MEIS2: variants seen among roughly 807,000 people sequenced by gnomAD.
MEIS2 encodes the protein Meis homeobox 2.
A neutral mutation model predicts 58.6 loss-of-function variants in MEIS2; 9 were observed. That is an observed-to-expected ratio of 0.15 (90% CI 0.09 to 0.27). MEIS2 has a LOEUF of 0.27. Among genes scored for constraint, MEIS2 ranks in the 10% least tolerant of loss-of-function variants. The pLI is 1.00. For missense variants in MEIS2, 427 were observed against 635.0 expected (o/e 0.67, Z 3.52); for synonymous variants, 221 against 228.4 (o/e 0.97, Z 0.29).
intron 7 of MEIS2, among the ~76,000 whole-genome samples, chr15:37,041,183 A>G (rs1167036073): frequency 6.6e-6 from 1 of 152,212 alleles, no homozygotes; most frequent in Non-Finnish European, 1.5e-5. Flanking sequence ...GGCTCTGTGC[A>G]TTGGCACTAG....
intron 7 of MEIS2, among the ~76,000 whole-genome samples, chr15:37,075,899 A>AT (rs1012376439): frequency 1.7e-4 from 25 of 149,812 alleles, no homozygotes; most frequent in South Asian, 4.2e-4. Context: ...CTCTTTCATT[A>AT]TTTTTTTTTT....
intron 8 of MEIS2, among the ~76,000 whole-genome samples, chr15:37,029,099 T>G (rs1182730351): frequency 6.6e-6 from 1 of 152,144 alleles, no homozygotes; most frequent in African/African-American, 2.4e-5. Flanking sequence ...ATCTCTAGTA[T>G]AAGATTCCAT....
intron 7 of MEIS2, among the ~76,000 whole-genome samples, chr15:37,080,967 T>C (rs779544698): frequency 6.6e-6 from 1 of 152,168 alleles, no homozygotes; most frequent in Non-Finnish European, 1.5e-5. Flanking sequence ...CTTTCACCTG[T>C]GTAACTGTAG....
At chr15:36,917,057 T>G (rs2057312063) in intron 9 of MEIS2, among the ~76,000 whole-genome samples, 1 of 152,096 alleles carries the variant, frequency 6.6e-6, no homozygotes, top group East Asian at 1.9e-4. Flanking sequence ...GCTAGGAAAT[T>G]AGGAATATTT....
At chr15:37,090,003 A>G (rs1893325939) in intron 6 of MEIS2, among the ~76,000 whole-genome samples, 1 of 152,154 alleles carries the variant, frequency 6.6e-6, no homozygotes, top group African/African-American at 2.4e-5. Context: ...TTCTTTAAAA[A>G]TTGTTTTTTA....
chr15:36,995,737 A>AAAATAAAAAAAAAAAAAAAAAAAAC (rs1333225556), intron 8 of MEIS2, among the ~76,000 whole-genome samples: 1 of 21,752 alleles, frequency 4.6e-5, no homozygotes, highest in Non-Finnish European at 1.2e-4. Flanking sequence ...AAAAACAAAG[A>AAAATAAAAAAAAAAAAAAAAAAAAC]AAAGAAAAGA....
At chr15:36,989,727 T>C (rs1188284328) in intron 8 of MEIS2, among the ~76,000 whole-genome samples, 1 of 152,234 alleles carries the variant, frequency 6.6e-6, no homozygotes, top group Admixed American at 6.5e-5. Context: ...TACAGAACTA[T>C]GTGCCACATT....
At chr15:36,966,889 G>T (rs2059376562) in intron 8 of MEIS2, among the ~76,000 whole-genome samples, 1 of 45,502 alleles carries the variant, frequency 2.2e-5, no homozygotes, top group African/African-American at 6.7e-5. Flanking sequence ...GAGCCAGCTA[G>T]GAAGGCAGGA....
chr15:37,090,780 A>G (rs150269465), intron 6 of MEIS2, among the ~76,000 whole-genome samples: 27 of 152,296 alleles, frequency 1.8e-4, no homozygotes, highest in East Asian at 1.7e-3. Flanking sequence ...CCTCCACAAG[A>G]GAAACCTTGG....
chr15:36,908,704 C>CGTGG (rs2056858943), intron 9 of MEIS2, among the ~76,000 whole-genome samples: 1 of 152,042 alleles, frequency 6.6e-6, no homozygotes, highest in Admixed American at 6.6e-5. Context: ...ACCTGTAATC[C>CGTGG]CAGCACTTTG....
At chr15:37,092,541 T>G (rs1323738576) in intron 6 of MEIS2, among the ~76,000 whole-genome samples, 1 of 151,930 alleles carries the variant, frequency 6.6e-6, no homozygotes, top group Non-Finnish European at 1.5e-5. Flanking sequence ...GAATGTAATC[T>G]ATAGACACCC....
At chr15:37,087,991 T>C (rs1219650144) in intron 6 of MEIS2, among the ~76,000 whole-genome samples, 1 of 152,106 alleles carries the variant, frequency 6.6e-6, no homozygotes, top group Non-Finnish European at 1.5e-5. Flanking sequence ...TCTAAAATAA[T>C]CTGAAACTCA....
At chr15:37,003,856 T>C (rs1332622674) in intron 8 of MEIS2, among the ~76,000 whole-genome samples, 2 of 152,218 alleles carry the variant, frequency 1.3e-5, no homozygotes, top group African/African-American at 4.8e-5. Context: ...TCACCCCTTC[T>C]GCCATATGAG....
intron 9 of MEIS2, among the ~76,000 whole-genome samples, chr15:36,927,780 C>T (rs1217035982): frequency 1.3e-5 from 2 of 152,132 alleles, no homozygotes; most frequent in East Asian, 3.8e-4. Flanking sequence ...GTTCCCTTCT[C>T]TACATGTGTT....
At chr15:37,065,215 T>C (rs1376566226) in intron 7 of MEIS2, among the ~76,000 whole-genome samples, 1 of 152,194 alleles carries the variant, frequency 6.6e-6, no homozygotes, top group African/African-American at 2.4e-5. Flanking sequence ...CTGCTGGCAA[T>C]GAAATGTAAG....
chr15:36,933,455 T>C (rs984200997), intron 9 of MEIS2, among the ~76,000 whole-genome samples: 1 of 152,188 alleles, frequency 6.6e-6, no homozygotes, highest in Non-Finnish European at 1.5e-5. Flanking sequence ...CAAGTCATTT[T>C]GCATTTTTAC....
intron 1 of MEIS2, chr15:37,098,777 A>T (rs1369521167): frequency 4.0e-6 from 2 of 496,628 alleles, no homozygotes; most frequent in Non-Finnish European, 5.2e-6. Flanking sequence ...GAAATGAAAC[A>T]AAATAAAGAG....
intron 6 of MEIS2, among the ~76,000 whole-genome samples, chr15:37,084,879 G>A (rs1358666474): frequency 6.6e-6 from 1 of 152,108 alleles, no homozygotes; most frequent in South Asian, 2.1e-4. Flanking sequence ...AACAGCATAC[G>A]AAACAGTCCA....
chr15:36,979,235 AT>A (rs2059854317), intron 8 of MEIS2, among the ~76,000 whole-genome samples: 1 of 152,210 alleles, frequency 6.6e-6, no homozygotes, highest in Non-Finnish European at 1.5e-5. Flanking sequence ...GGATATTTGA[AT>A]AAAGTGTCTA....
Sources: allele counts gnomAD v4.1 joint callset (sites outside exome capture counted in the v4.1 genomes callset), GRCh38; gene constraint gnomAD v4.1.1; transcripts MANE v1.5; gene names NCBI Gene and HGNC (gene_info 2026-07-23, HGNC 2026-07-21).